ATL1: variants seen among roughly 807,000 people sequenced by gnomAD.
ATL1 encodes atlastin-1.
ATL1 carries 31 observed loss-of-function variants against 75.5 expected under a neutral mutation model. The observed-to-expected ratio is 0.41, with a 90% CI of 0.31 to 0.55. The LOEUF is 0.55. ATL1 is among the 20% of genes least tolerant of loss of function. ATL1 has a pLI of 0.27. For missense variants in ATL1, 405 were observed against 662.6 expected (o/e 0.61, Z 4.27); for synonymous variants, 226 against 233.3 (o/e 0.97, Z 0.28).
At chr14:50,555,137 C>A (rs1338895492) in intron 1 of ATL1, among the ~76,000 whole-genome samples, 1 of 152,212 alleles carries the variant, frequency 6.6e-6, no homozygotes, top group Non-Finnish European at 1.5e-5. Context: ...CACTTCTTCC[C>A]TTTTACCCTT....
intron 1 of ATL1, among the ~76,000 whole-genome samples, chr14:50,577,188 G>C (rs186691866): frequency 9.2e-5 from 14 of 152,042 alleles, no homozygotes; most frequent in Non-Finnish European, 1.8e-4. Context: ...TTAGCCTGCC[G>C]AGTGGCTGGG....
At chr14:50,623,663 T>C (rs749960733) in intron 11 of ATL1, among the ~76,000 whole-genome samples, 3 of 152,174 alleles carry the variant, frequency 2.0e-5, no homozygotes, top group South Asian at 4.1e-4. Flanking sequence ...TTCTATTTAT[T>C]ACATTTCCTC....
At chr14:50,631,464 G>A (rs1252081218) in intron 13 of ATL1, among the ~76,000 whole-genome samples, 3 of 152,128 alleles carry the variant, frequency 2.0e-5, no homozygotes, top group Non-Finnish European at 4.4e-5. Flanking sequence ...GTAACTGACT[G>A]TCAAGTATGT....
chr14:50,545,002 T>A (rs1465021147), intron 1 of ATL1, among the ~76,000 whole-genome samples: 3 of 146,910 alleles, frequency 2.0e-5, no homozygotes, highest in Non-Finnish European at 4.5e-5. Context: ...ACCAGATTAC[T>A]GAAGGGTGTG....
At chr14:50,596,962 C>G (rs1361624880) in intron 6 of ATL1, among the ~76,000 whole-genome samples, 1 of 152,030 alleles carries the variant, frequency 6.6e-6, no homozygotes, top group Non-Finnish European at 1.5e-5. Context: ...GTAATCCCAG[C>G]ACTTTGGGAG....
intron 1 of ATL1, among the ~76,000 whole-genome samples, chr14:50,572,704 C>T (rs573876680): frequency 6.6e-6 from 1 of 152,006 alleles, no homozygotes; most frequent in East Asian, 1.9e-4. Context: ...TCTTCTTTTT[C>T]TGATCTATGC....
chr14:50,606,170 C>A (rs2039315839), intron 6 of ATL1, among the ~76,000 whole-genome samples: 1 of 151,954 alleles, frequency 6.6e-6, no homozygotes, highest in African/African-American at 2.4e-5. Context: ...ATTTTGAGGC[C>A]TCAGTTTATT....
intron 11 of ATL1, among the ~76,000 whole-genome samples, chr14:50,626,678 T>C: frequency 6.6e-6 from 1 of 152,344 alleles, no homozygotes; most frequent in South Asian, 2.1e-4. Context: ...GATAAATTGA[T>C]ACATCCATAT....
At chr14:50,559,981 A>G (rs1234065479), upstream of ATL1, 1 of 500,334 alleles carries the variant, frequency 2.0e-6, no homozygotes, top group Non-Finnish European at 3.6e-6. Flanking sequence ...ATGTTGCGGT[A>G]CGTGGTCTAT....
intron 1 of ATL1, among the ~76,000 whole-genome samples, chr14:50,567,719 C>A (rs1484553683): frequency 6.6e-6 from 1 of 152,100 alleles, no homozygotes; most frequent in Non-Finnish European, 1.5e-5. Flanking sequence ...ATTATGATTT[C>A]TCTTGTGATT....
chr14:50,628,369 C>T lies in ATL1; in HGVS notation c.1458C>T (p.Ile486=), dbSNP rs200825678. The T allele has an allele frequency of 3.4e-5, 55 of 1,614,172 alleles. No homozygotes were observed. In the East Asian group the frequency reaches 6.5e-4, roughly 19 times the overall value. The change falls in exon 12 of 14, where the codon ATC becomes ATT. Residue 486 remains isoleucine (I), a synonymous_variant. Transcript: ENST00000358385. ...LCNMIMGLTL[I]TLCTWAYIRY... is the part of the protein sequence containing the mutation. ...ATATGATAATGGGACTGACCCTTAT[C>T]ACCCTGTGCACTTGGGCATATATCC...
intron 1 of ATL1, among the ~76,000 whole-genome samples, chr14:50,565,209 G>A (rs931273212): frequency 2.0e-5 from 3 of 152,058 alleles, no homozygotes; most frequent in African/African-American, 7.2e-5. Flanking sequence ...AGAATGGTGT[G>A]AACCTGGGAG....
chr14:50,564,591 G>A (rs2140179216), intron 1 of ATL1, among the ~76,000 whole-genome samples: 1 of 126,440 alleles, frequency 7.9e-6, no homozygotes, highest in South Asian at 2.7e-4. Flanking sequence ...GGAGGTTGCA[G>A]TGAGCCAAGA....
At chr14:50,546,947 C>A (rs565682361) in intron 1 of ATL1, among the ~76,000 whole-genome samples, 12 of 152,242 alleles carry the variant, frequency 7.9e-5, no homozygotes, top group African/African-American at 2.6e-4. Context: ...ATATACCCGT[C>A]ATCTACATTA....
chr14:50,610,297 C>T (rs2039353508), intron 6 of ATL1, among the ~76,000 whole-genome samples: 1 of 152,046 alleles, frequency 6.6e-6, no homozygotes, highest in South Asian at 2.1e-4. Flanking sequence ...AAAGGATCCA[C>T]ACAGAGTTTT....
chr14:50,588,228 C>G, intron 2 of ATL1, 150 bp downstream of exon 2: 1 of 1,046,498 alleles, frequency 9.6e-7, no homozygotes, highest in Non-Finnish European at 1.4e-6. Context: ...ACCATTCCAA[C>G]CTCAGTGCTT....
chr14:50,569,418 C>CAAAAA (rs35548036), intron 1 of ATL1, among the ~76,000 whole-genome samples: 15 of 118,424 alleles, frequency 1.3e-4, no homozygotes, highest in South Asian at 2.7e-4. Context: ...GACTCTGTCT[C>CAAAAA]AAAAAAAAAA....
At chr14:50,608,754 G>T (rs970124656) in intron 6 of ATL1, among the ~76,000 whole-genome samples, 4 of 151,872 alleles carry the variant, frequency 2.6e-5, no homozygotes, top group Admixed American at 2.6e-4. Context: ...ATTTATCCTG[G>T]TTCATGAACC....
chr14:50,593,758 C>A (rs1215426146), intron 4 of ATL1, 88 bp from the exon 5 acceptor site: 9 of 852,344 alleles, frequency 1.1e-5, no homozygotes, highest in Non-Finnish European at 1.8e-5. Context: ...TTTGTGGTAA[C>A]TGATATTTTT....
Sources: gnomAD v4.1 joint callset for allele counts (sites outside exome capture counted in the v4.1 genomes callset) on GRCh38, gnomAD v4.1.1 for gene constraint, MANE v1.5 for transcripts, NCBI Gene and HGNC (gene_info 2026-07-23, HGNC 2026-07-21) for gene names.